CDH23: variants seen among roughly 807,000 people sequenced by gnomAD.
CDH23 encodes cadherin-23.
A neutral mutation model predicts 317.1 loss-of-function variants in CDH23; 189 were observed. The ratio of observed to expected loss-of-function variants is 0.60; its 90% CI spans 0.53 to 0.67. The LOEUF (loss-of-function observed/expected upper bound fraction) is 0.67. Among genes scored for constraint, CDH23 ranks in the 30% least tolerant of loss-of-function variants. The pLI is 0.00. For synonymous variants in CDH23, 1,839 were observed against 1,876.8 expected, an observed-to-expected ratio of 0.98 and a Z score of 0.52; for missense variants, 4,401 against 4,592.4, an observed-to-expected ratio of 0.96 and a Z score of 1.20.
chr10:71,718,614 C>T (rs1866403032), intron 28 of CDH23, among the ~76,000 whole-genome samples: 1 of 152,208 alleles, frequency 6.6e-6, no homozygotes, highest in East Asian at 1.9e-4. Flanking sequence ...CTACCCTGGA[C>T]AATGCTTGGC....
chr10:71,615,935 T>C (rs2132516461), intron 10 of CDH23, among the ~76,000 whole-genome samples: 1 of 152,348 alleles, frequency 6.6e-6, no homozygotes, highest in Admixed American at 6.5e-5. Flanking sequence ...TGTCCCAGGA[T>C]TCCAAGTTCT....
intron 7 of CDH23, among the ~76,000 whole-genome samples, chr10:71,570,264 GGT>G (rs1782180495): frequency 6.6e-6 from 1 of 152,168 alleles, no homozygotes; most frequent in African/African-American, 2.4e-5. Context: ...CAGGGACACA[GGT>G]GCCAGATTAA....
intron 11 of CDH23, among the ~76,000 whole-genome samples, chr10:71,634,313 A>G (rs1302289810): frequency 1.3e-5 from 2 of 152,208 alleles, no homozygotes; most frequent in Non-Finnish European, 2.9e-5. Context: ...GGGTGCACAC[A>G]TCCTTTTGCC....
At chr10:71,558,186 A>T (rs1208119515) in intron 6 of CDH23, among the ~76,000 whole-genome samples, 1 of 151,944 alleles carries the variant, frequency 6.6e-6, no homozygotes, top group Non-Finnish European at 1.5e-5. Context: ...TTTAGTAGAG[A>T]CAGGGGTTTC....
chr10:71,639,275 C>T (rs1380979178), intron 11 of CDH23, among the ~76,000 whole-genome samples: 4 of 152,164 alleles, frequency 2.6e-5, no homozygotes, highest in Non-Finnish European at 4.4e-5. Context: ...CCAACAAAAT[C>T]GCCCCTCTGC....
At chr10:71,565,639 CT>C (rs1270655106) in intron 6 of CDH23, among the ~76,000 whole-genome samples, 2 of 152,170 alleles carry the variant, frequency 1.3e-5, no homozygotes, top group East Asian at 1.9e-4. Flanking sequence ...GTCTGTGCCC[CT>C]CTAGGTTTCC....
intron 6 of CDH23, among the ~76,000 whole-genome samples, chr10:71,517,027 G>T (rs1854368914): frequency 6.6e-6 from 1 of 152,196 alleles, no homozygotes. Flanking sequence ...CCTGCCCCAG[G>T]CCTGGCGTAT....
chr10:71,549,998 A>C (rs1362445395), intron 6 of CDH23, among the ~76,000 whole-genome samples: 2 of 152,170 alleles, frequency 1.3e-5, no homozygotes, highest in Non-Finnish European at 2.9e-5. Flanking sequence ...CTCCGCCAGG[A>C]TATTAACGGG....
intron 38 of CDH23, among the ~76,000 whole-genome samples, chr10:71,766,145 T>G (rs12779165): frequency 6.6e-6 from 1 of 152,248 alleles, no homozygotes; most frequent in African/African-American, 2.4e-5. Flanking sequence ...ATTACAATTC[T>G]TTGGCGAGAG....
chr10:71,539,540 G>T (rs544398521), intron 6 of CDH23, among the ~76,000 whole-genome samples: 1 of 151,848 alleles, frequency 6.6e-6, no homozygotes, highest in Non-Finnish European at 1.5e-5. Flanking sequence ...TGCAAAACTA[G>T]AGATATAACA....
In CDH23 at chr10:71,815,254, C is replaced by A. The variant is rs538081113; in HGVS notation, c.10041C>A (p.Thr3347=). The A allele has an allele frequency of 2.2e-5, 34 of 1,580,106 alleles. No homozygotes were observed. The South Asian group carries it at 2.8e-4, about 13-fold the overall frequency. ...AACTTCGCGACGTGATCATGGAGAC[C>A]CCCCTGGAGATCACAGAGCTGTGAC... is the stretch of plus-strand genomic sequence containing the variant. ...LHKLRDVIME[T]PLEITEL is the part of the protein sequence containing the mutation. Residue 3347 remains threonine (T), a synonymous_variant, in exon 70 of 70, where the codon ACC becomes ACA. Transcript: ENST00000224721.
chr10:71,734,082 G>C (rs1338185702), intron 32 of CDH23, among the ~76,000 whole-genome samples, 158 bp from the exon 33 acceptor site: 1 of 152,266 alleles, frequency 6.6e-6, no homozygotes, highest in East Asian at 1.9e-4. Context: ...TGGCTTCCCA[G>C]TGGAATGTGA....
intron 3 of CDH23, among the ~76,000 whole-genome samples, chr10:71,447,695 C>T (rs12778027): frequency 0.35 from 53,348 of 152,046 alleles, 11,653 homozygotes; most frequent in East Asian, 0.49. Flanking sequence ...TTGGAATGCC[C>T]TCTCATAGGC....
chr10:71,574,144 C>T (rs1008097168), intron 8 of CDH23, among the ~76,000 whole-genome samples: 4 of 152,026 alleles, frequency 2.6e-5, no homozygotes, highest in East Asian at 1.9e-4. Flanking sequence ...TCTGCTGCCC[C>T]GGGGCCCCCA....
chr10:71,633,011 C>T lies in CDH23; in HGVS notation c.1135-10850C>T, dbSNP rs545451967. Among the ~76,000 whole-genome samples the T allele has an allele frequency of 3.3e-5, 5 of 152,178 alleles. 1 individual carries two copies. Among genetic ancestry groups the T allele is most frequent in the Middle Eastern group, 3.4e-3 (1 of 294 alleles). The stretch of plus-strand genomic sequence containing the variant: ...AGTCACGGGGTGGTGCAGGGCATCT[C>T]GCATGATGAGATTACTACGTGTGCT... On this transcript the variant is annotated intron_variant, in intron 11 of 69. Coordinates refer to ENST00000224721, the MANE Select transcript of CDH23 (RefSeq NM_022124.6).
Position 71,510,968 on chromosome 10 carries a change from C to T in CDH23, c.303C>T (p.Phe101=), listed in dbSNP as rs2132199495. 6.2e-7 allele frequency: 1 copy of T among 1,613,952 alleles called. No individual in the cohort carries two copies. The highest frequency in any genetic ancestry group is 8.5e-7 in the Non-Finnish European group (1 of 1,179,870). Residue 101 remains phenylalanine (F), a synonymous_variant, in exon 5 of 70, where the codon TTC becomes TTT. Transcript: ENST00000224721. ...QPLDRETKSE[F]TVEFSVSDHQ... is the part of the protein sequence containing the mutation. Reference sequence around the variant, plus strand: ...TTTTCTTTCAGACCAAGTCAGAGTTCACCGTGGAGTTCTCTGTCAGCGACC... The same window carrying T: ...TTTTCTTTCAGACCAAGTCAGAGTTTACCGTGGAGTTCTCTGTCAGCGACC...
intron 9 of CDH23, among the ~76,000 whole-genome samples, chr10:71,588,704 C>G (rs1859255468): frequency 6.6e-6 from 1 of 152,166 alleles, no homozygotes; most frequent in Admixed American, 6.5e-5. Flanking sequence ...CAAAATATTG[C>G]AGAGGCACCT....
intron 28 of CDH23, chr10:71,716,141 G>A (rs948542339): frequency 1.1e-5 from 17 of 1,550,180 alleles, no homozygotes; most frequent in African/African-American, 6.8e-5. Flanking sequence ...GCGGCGGCTC[G>A]GGTCCAGCGC....
At chr10:71,423,951 G>A (rs12269296) in intron 1 of CDH23, among the ~76,000 whole-genome samples, 3,073 of 152,348 alleles carry the variant, frequency 0.02, 93 homozygotes, top group African/African-American at 0.07. Context: ...CAACAAGGGT[G>A]ACATGCTCTA....
Sources: allele counts gnomAD v4.1 joint callset (sites outside exome capture counted in the v4.1 genomes callset), GRCh38; gene constraint gnomAD v4.1.1; transcripts MANE v1.5; gene names NCBI Gene and HGNC (gene_info 2026-07-23, HGNC 2026-07-21).